PAPPA: variants seen among roughly 807,000 people sequenced by gnomAD.
PAPPA encodes pappalysin 1.
Under a neutral mutation model 164.0 loss-of-function variants are expected in PAPPA, and 60 were observed. The ratio of observed to expected loss-of-function variants is 0.37; its 90% CI spans 0.30 to 0.45. PAPPA has a LOEUF of 0.45. Among genes scored for constraint, PAPPA ranks in the 20% least tolerant of loss-of-function variants. PAPPA has a pLI of 1.00. For synonymous variants in PAPPA, 875 were observed against 814.1 expected, an observed-to-expected ratio of 1.07 and a Z score of -1.27; for missense variants, 1,782 against 2,087.3, an observed-to-expected ratio of 0.85 and a Z score of 2.85.
chr9:116,213,057 G>T (rs1452059243), intron 4 of PAPPA, among the ~76,000 whole-genome samples: 1 of 152,128 alleles, frequency 6.6e-6, no homozygotes, highest in Non-Finnish European at 1.5e-5. Context: ...TGGTTGAGTG[G>T]GGAAATTGAG....
intron 2 of PAPPA, among the ~76,000 whole-genome samples, chr9:116,199,550 A>G (rs1844146846): frequency 6.6e-6 from 1 of 152,124 alleles, no homozygotes; most frequent in Non-Finnish European, 1.5e-5. Context: ...TCCTTCAGAA[A>G]TCTCCCTGGA....
chr9:116,252,228 G>A (rs983347000), intron 7 of PAPPA, among the ~76,000 whole-genome samples: 4 of 152,220 alleles, frequency 2.6e-5, no homozygotes, highest in African/African-American at 9.6e-5. Context: ...GTCGTTGCCA[G>A]TAGGAAAAGA....
intron 21 of PAPPA, among the ~76,000 whole-genome samples, chr9:116,386,543 A>G (rs535932710): frequency 1.3e-4 from 20 of 152,316 alleles, no homozygotes; most frequent in African/African-American, 4.6e-4. Flanking sequence ...CTTAGAGTAC[A>G]TATGGGACTT....
intron 21 of PAPPA, 93 bp downstream of exon 21, chr9:116,382,586 TCCTAACTCTG>T: frequency 2.5e-6 from 2 of 807,978 alleles, no homozygotes; most frequent in Non-Finnish European, 4.5e-6. Context: ...ACAACCCTTG[TCCTAACTCTG>T]CCAGCACTGT....
rs1845131167 is a variant in PAPPA, at chr9:116,271,207, A to G, written c.2862-118A>G. On this transcript the variant is annotated intron_variant, in intron 8 of 21. Transcript: ENST00000328252. The surrounding 1 kb of genome is among the most constrained non-coding windows in gnomAD (Gnocchi z 4.2). ...GATGAAGAAGCAGAGACTCAGACAG[A>G]GAAAGGGATTTGTGCAAGGTCTCAC... The G allele has an allele frequency of 8.8e-6, 6 of 684,352 alleles. No individual in the cohort carries two copies. The East Asian group carries it at 1.5e-4, about 17-fold the overall frequency. 42.4% of individuals were successfully genotyped at this position (684,352 alleles called of 1,614,324 possible). A position where few individuals can be genotyped will look rare whatever the true frequency, so the allele number is the denominator to read the frequency against.
intron 9 of PAPPA, among the ~76,000 whole-genome samples, chr9:116,283,050 C>A (rs556677409): frequency 6.6e-6 from 1 of 152,102 alleles, no homozygotes; most frequent in South Asian, 2.1e-4. Context: ...AGGTCCAGTG[C>A]CTGTCACTCT....
chr9:116,253,742 C>A (rs1844888916), intron 7 of PAPPA, among the ~76,000 whole-genome samples: 1 of 152,112 alleles, frequency 6.6e-6, no homozygotes. Flanking sequence ...GAAATAAATT[C>A]TTTTGAGAAG....
intron 9 of PAPPA, among the ~76,000 whole-genome samples, chr9:116,294,541 G>T (rs1198888891): frequency 1.3e-5 from 2 of 152,166 alleles, no homozygotes; most frequent in Admixed American, 1.3e-4. Context: ...AGATATTTCT[G>T]TCCCAGAGGA....
intron 12 of PAPPA, among the ~76,000 whole-genome samples, chr9:116,334,078 C>T (rs948128394): frequency 1.2e-4 from 18 of 151,984 alleles, no homozygotes; most frequent in African/African-American, 4.4e-4. Flanking sequence ...TAGGAAGGGG[C>T]TACACCAGCA....
At chr9:116,393,621 T>C (rs1381828175) in intron 21 of PAPPA, among the ~76,000 whole-genome samples, 1 of 152,162 alleles carries the variant, frequency 6.6e-6, no homozygotes, top group African/African-American at 2.4e-5. Flanking sequence ...TTGCCGTTTT[T>C]ACCATTACTT....
intron 1 of PAPPA, among the ~76,000 whole-genome samples, chr9:116,181,952 T>G (rs1843910511): frequency 6.6e-6 from 1 of 152,224 alleles, no homozygotes; most frequent in Non-Finnish European, 1.5e-5. Flanking sequence ...ACCTTGCTTG[T>G]GGGGGTGCTG....
chr9:116,234,495 A>G (rs1177661023), intron 6 of PAPPA, among the ~76,000 whole-genome samples: 1 of 151,970 alleles, frequency 6.6e-6, no homozygotes, highest in Non-Finnish European at 1.5e-5. Context: ...TGCAGGGTGG[A>G]TGCTATTTAT....
At chr9:116,362,796 G>A in intron 18 of PAPPA, 57 bp downstream of exon 18, 2 of 1,554,244 alleles carry the variant, frequency 1.3e-6, no homozygotes, top group Non-Finnish European at 8.8e-7. Flanking sequence ...AGCAATGCAG[G>A]GCTAATGCCT....
At chr9:116,255,312 T>C (rs1844915048) in intron 7 of PAPPA, among the ~76,000 whole-genome samples, 1 of 152,046 alleles carries the variant, frequency 6.6e-6, no homozygotes, top group Non-Finnish European at 1.5e-5. Flanking sequence ...ATTGAGCAGA[T>C]GACTGAACTA....
At chr9:116,247,633 A>T (rs1273016152) in intron 7 of PAPPA, among the ~76,000 whole-genome samples, 1 of 152,330 alleles carries the variant, frequency 6.6e-6, no homozygotes, top group Non-Finnish European at 1.5e-5. Context: ...GGAAAATAAC[A>T]GCTGTCAGAG....
chr9:116,226,356 G>A (rs1844509841), intron 5 of PAPPA, among the ~76,000 whole-genome samples: 1 of 152,166 alleles, frequency 6.6e-6, no homozygotes, highest in African/African-American at 2.4e-5. Context: ...GTTCCTGACT[G>A]TGTGAGCCCA....
At chr9:116,388,627 T>G (rs187363319) in intron 21 of PAPPA, among the ~76,000 whole-genome samples, 2 of 152,302 alleles carry the variant, frequency 1.3e-5, no homozygotes, top group East Asian at 3.9e-4. Context: ...GTTTTGATAT[T>G]TGAATTAGAT....
intron 19 of PAPPA, among the ~76,000 whole-genome samples, chr9:116,376,634 CATT>C (rs1846656852): frequency 2.0e-5 from 3 of 152,102 alleles, no homozygotes; most frequent in Non-Finnish European, 4.4e-5. Context: ...TTTTAGTTGT[CATT>C]ATCTTCATCA....
At chr9:116,250,142 A>G (rs16933346) in intron 7 of PAPPA, among the ~76,000 whole-genome samples, 8,799 of 152,052 alleles carry the variant, frequency 0.058, 637 homozygotes, top group African/African-American at 0.17. Context: ...AAGAGGTCCC[A>G]TGGGGTATCG....
Sources: gnomAD v4.1 joint callset for allele counts (sites outside exome capture counted in the v4.1 genomes callset) on GRCh38, gnomAD v4.1.1 for gene constraint, Gnocchi (gnomAD v3.1) non-coding constraint, MANE v1.5 for transcripts, NCBI Gene and HGNC (gene_info 2026-07-23, HGNC 2026-07-21) for gene names.